The following ACLY variants were observed in gnomAD, a reference collection of about 807,000 sequenced individuals.
ACLY encodes ATP-citrate synthase.
In ACLY, 41 loss-of-function variants were observed where a neutral mutation model predicts 133.0. The ratio of observed to expected loss-of-function variants is 0.31; its 90% CI spans 0.24 to 0.40. The LOEUF is 0.40. Ranked by LOEUF, ACLY falls within the 10% of genes least tolerant of loss-of-function variation. The pLI, the probability that ACLY is intolerant of heterozygous loss-of-function variation, is 1.00. For synonymous variants in ACLY, 495 were observed against 549.3 expected (o/e 0.90, Z 1.38); for missense variants, 1,046 against 1,453.8 (o/e 0.72, Z 4.56).
chr17:41,919,119 C>A, upstream of ACLY: 1 of 1,151,920 alleles, frequency 8.7e-7, no homozygotes, highest in South Asian at 1.6e-5. Context: ...CCCACGAGGG[C>A]GGGCCCCGGG....
intron 1 of ACLY, among the ~76,000 whole-genome samples, chr17:41,917,234 G>A (rs1364071975): frequency 6.6e-6 from 1 of 151,570 alleles, no homozygotes; most frequent in African/African-American, 2.4e-5. Context: ...GAACGTCTTA[G>A]TCTGCCTCCC....
At chr17:41,919,068 G>A, upstream of ACLY, 1 of 1,242,146 alleles carries the variant, frequency 8.1e-7, no homozygotes, top group Non-Finnish European at 1.0e-6. Flanking sequence ...CCTAGCCTGA[G>A]CGCCAGGGCT....
rs782097608 is a variant in ACLY at position 41,912,578 on chromosome 17, G to T, written c.160-36C>A. 8.7e-6 allele frequency: 14 copies of T among 1,613,164 alleles called. No homozygotes were observed. In the East Asian group the frequency reaches 2.9e-4, roughly 33 times the overall value. On this transcript the variant is annotated intron_variant, in intron 2 of 28. Coordinates refer to ENST00000352035, the MANE Select transcript of ACLY (RefSeq NM_001096.3). ...AGCGGTTTGTATTTAGAGTGAGGAAGAATTAGATAAACCGTAGTATTTTGG... is the reference window on the plus strand; with the variant it reads ...AGCGGTTTGTATTTAGAGTGAGGAATAATTAGATAAACCGTAGTATTTTGG...
intron 22 of ACLY, among the ~76,000 whole-genome samples, chr17:41,875,299 G>C (rs1404646086): frequency 1.3e-5 from 2 of 149,060 alleles, no homozygotes; most frequent in African/African-American, 5.0e-5. Context: ...GCAGTGAGCA[G>C]AGATCGCACC....
chr17:41,895,855 A>G (rs1435731879), intron 14 of ACLY, among the ~76,000 whole-genome samples: 3 of 152,134 alleles, frequency 2.0e-5, no homozygotes, highest in Admixed American at 6.5e-5. Context: ...CCCCGCCTCC[A>G]CGGCTGTGAA....
At chr17:41,877,767 C>T (rs1480552372) in intron 22 of ACLY, among the ~76,000 whole-genome samples, 1 of 152,062 alleles carries the variant, frequency 6.6e-6, no homozygotes, top group African/African-American at 2.4e-5. Flanking sequence ...GAAGAGAGAC[C>T]AGCCTAGCCT....
At chr17:41,928,186 T>A (rs1478198598) in intron 1 of ACLY, among the ~76,000 whole-genome samples, 2 of 152,210 alleles carry the variant, frequency 1.3e-5, no homozygotes, top group Non-Finnish European at 2.9e-5. Flanking sequence ...ATTAAAATAT[T>A]TCCAGTTGAT....
At position 41,896,643 on chromosome 17, in the gene ACLY, AC is replaced by A; in HGVS notation, c.1435del (p.Val479SerfsTer71). 1 of 1,572,874 alleles carries A rather than the reference AC, an allele frequency of 6.4e-7. No individual in the cohort carries two copies. Among genetic ancestry groups the A allele is most frequent in the Non-Finnish European group, 8.6e-7 (1 of 1,158,402 alleles). Reference protein sequence around the residue: ...KAKPAMPQDSVPSPRSLQGKS... With the variant: ...KAKPAMPQDSXPSPRSLQGKS... Reference sequence around the variant, plus strand: ...ACCTTGCAGGGATCTTGGACTTGGGACTGAATCTGTCAAAGAAAATGACCAA... The same window carrying A: ...ACCTTGCAGGGATCTTGGACTTGGGATGAATCTGTCAAAGAAAATGACCAA... On this transcript the variant is annotated frameshift_variant, in exon 14 of 29. Coordinates refer to ENST00000352035, the MANE Select transcript of ACLY (RefSeq NM_001096.3). LOFTEE classifies it high-confidence loss of function.
intron 20 of ACLY, among the ~76,000 whole-genome samples, chr17:41,882,367 C>CA (rs34078258): frequency 0.022 from 877 of 40,202 alleles, 134 homozygotes; most frequent in African/African-American, 0.084. Flanking sequence ...ACCCTGTCTC[C>CA]AAAAAAAAAA....
At chr17:41,887,273 G>A (rs781800050) in intron 17 of ACLY, among the ~76,000 whole-genome samples, 1 of 151,476 alleles carries the variant, frequency 6.6e-6, no homozygotes, top group African/African-American at 2.4e-5. Flanking sequence ...ATCCCGTCTC[G>A]ACTAAAAACA....
intron 16 of ACLY, 67 bp downstream of exon 16, chr17:41,892,212 G>A (rs937319073): frequency 3.0e-6 from 4 of 1,314,848 alleles, no homozygotes; most frequent in Admixed American, 2.2e-5. Flanking sequence ...GTCCCCTAGA[G>A]CCCAGTGATC....
At position 41,913,025 on chromosome 17, in the gene ACLY, T is replaced by C. The variant is rs566540293; in HGVS notation, c.160-483A>G. 5.3e-5 allele frequency among the ~76,000 whole-genome samples: 8 copies of C among 152,290 alleles called. No homozygotes were observed. The East Asian group carries it at 1.5e-3, about 29-fold the overall frequency. On this transcript the variant is annotated intron_variant, in intron 2 of 28. Coordinates refer to ENST00000352035, the MANE Select transcript of ACLY (RefSeq NM_001096.3). ...ATAAGCAGCCCCTAACCACTGCTCA[T>C]ACATCTCCAGGGCCAGGAAACTCCC...
intron 2 of ACLY, 29 bp from the exon 3 acceptor site, chr17:41,912,571 T>C (rs782388365): frequency 6.2e-7 from 1 of 1,613,088 alleles, no homozygotes; most frequent in South Asian, 1.1e-5. Context: ...GTATTTAGAG[T>C]GAGGAAGAAT....
chr17:41,872,562 T>G (rs569717856), intron 23 of ACLY, among the ~76,000 whole-genome samples: 69 of 152,310 alleles, frequency 4.5e-4, no homozygotes, highest in Non-Finnish European at 4.4e-5. Flanking sequence ...TGGCCTCAAG[T>G]GATCTGCCCA....
chr17:41,885,595 C>G (rs1555628004), intron 18 of ACLY, among the ~76,000 whole-genome samples: 1 of 152,230 alleles, frequency 6.6e-6, no homozygotes, highest in African/African-American at 2.4e-5. Flanking sequence ...TAAAAACTCA[C>G]TGAGCACCTG....
rs2049374821 is a variant in ACLY at position 41,896,610 on chromosome 17, G to A, written c.1459+10C>T. On this transcript the variant is annotated intron_variant, in intron 14 of 28. Coordinates refer to ENST00000352035, the MANE Select transcript of ACLY (RefSeq NM_001096.3). ...ACACGCGGAGTGGGGGCAGGGTGGG[G>A]GCATCCTACCTTGCAGGGATCTTGG... The A allele has an allele frequency of 1.9e-6, 3 of 1,557,820 alleles. No homozygotes were observed. The highest frequency in any genetic ancestry group is 2.6e-6 in the Non-Finnish European group (3 of 1,151,186).
At chr17:41,928,812 C>T in intron 1 of ACLY, among the ~76,000 whole-genome samples, 1 of 147,712 alleles carries the variant, frequency 6.8e-6, no homozygotes, top group Non-Finnish European at 1.5e-5. Flanking sequence ...GAGATCACAT[C>T]ACTGCACTCC....
Position 41,892,694 on chromosome 17 carries a change from T to C in ACLY, c.1602-247A>G, listed in dbSNP as rs554708202. ...CAAGCCTTGCCTTTTTTTTTTCTTT[T>C]GAGACAGGTTCTTGCTCTGTCACCC... On this transcript the variant is annotated intron_variant, in intron 15 of 28. Coordinates refer to ENST00000352035, the MANE Select transcript of ACLY (RefSeq NM_001096.3). Among the ~76,000 whole-genome samples the C allele has an allele frequency of 5.3e-5, 8 of 152,058 alleles. No individual in the cohort carries two copies. The Middle Eastern group carries it at 0.014, about 259-fold the overall frequency.
chr17:41,896,427 G>C (rs913969878), intron 14 of ACLY, among the ~76,000 whole-genome samples, 193 bp downstream of exon 14: 1 of 152,148 alleles, frequency 6.6e-6, no homozygotes, highest in African/African-American at 2.4e-5. Context: ...AGTGGGGCGC[G>C]TACTGAGCAC....
Sources: gnomAD v4.1 joint callset for allele counts (sites outside exome capture counted in the v4.1 genomes callset) on GRCh38, gnomAD v4.1.1 for gene constraint, MANE v1.5 for transcripts, NCBI Gene and HGNC (gene_info 2026-07-23, HGNC 2026-07-21) for gene names.